Variants in PRIM2 observed in about 807,000 individuals in gnomAD.
PRIM2 encodes DNA primase subunit 2.
Under a neutral mutation model 67.3 loss-of-function variants are expected in PRIM2, and 39 were observed. The observed-to-expected ratio is 0.58, with a 90% confidence interval of 0.45 to 0.76. The LOEUF (loss-of-function observed/expected upper bound fraction) is 0.76. Among genes scored for constraint, PRIM2 ranks in the 30% least tolerant of loss-of-function variants. The pLI is 0.00. For missense variants in PRIM2, 398 were observed against 598.7 expected (o/e 0.66, Z 3.50); for synonymous variants, 143 against 198.7 (o/e 0.72, Z 2.36).
At chr6:57,286,109 GAC>G in the PRIM2 span, among the ~76,000 whole-genome samples, 8,882 of 152,156 alleles carry the variant, frequency 0.058, 599 homozygotes, top group African/African-American at 0.16. Context: ...AATAAGACAG[GAC>G]ACGAACAAAA....
intron 7 of PRIM2, among the ~76,000 whole-genome samples, chr6:57,431,165 C>G (rs560161053): frequency 6.6e-6 from 1 of 151,378 alleles, no homozygotes; most frequent in East Asian, 1.9e-4. Context: ...GTTTTATTGC[C>G]TCTTTTTTTT....
At chr6:57,582,527 T>C (rs1776106563) in intron 10 of PRIM2, among the ~76,000 whole-genome samples, 1 of 152,164 alleles carries the variant, frequency 6.6e-6, no homozygotes, top group African/African-American at 2.4e-5. Flanking sequence ...TCTAAAGTTC[T>C]GTTAAATTAG....
chr6:57,502,216 A>G (rs1295270444), intron 7 of PRIM2, among the ~76,000 whole-genome samples: 1 of 152,214 alleles, frequency 6.6e-6, no homozygotes, highest in East Asian at 1.9e-4. Context: ...GGGAGGTCAG[A>G]CATGCCTCAT....
chr6:57,574,051 T>C (rs1346499246), intron 10 of PRIM2, among the ~76,000 whole-genome samples: 2 of 151,814 alleles, frequency 1.3e-5, no homozygotes, highest in African/African-American at 4.8e-5. Flanking sequence ...GGAACTAAAT[T>C]CTAGGACCTT....
intron 5 of PRIM2, among the ~76,000 whole-genome samples, chr6:57,337,940 A>C (rs868328142): frequency 1.3e-5 from 2 of 152,042 alleles, no homozygotes; most frequent in Non-Finnish European, 2.9e-5. Context: ...GAAAGGATCA[A>C]CAAAATTGAT....
intron 7 of PRIM2, among the ~76,000 whole-genome samples, chr6:57,423,159 T>C (rs182790374): frequency 6.6e-6 from 1 of 152,316 alleles, no homozygotes; most frequent in Non-Finnish European, 1.5e-5. Context: ...AAGTCTGTTT[T>C]CATTTCTTCA....
intron 7 of PRIM2, among the ~76,000 whole-genome samples, chr6:57,400,587 C>G (rs1336860113): frequency 6.6e-6 from 1 of 152,102 alleles, no homozygotes; most frequent in Non-Finnish European, 1.5e-5. Flanking sequence ...TGGGGATGAT[C>G]TTCTTACGTA....
At chr6:57,239,611 G>A in the PRIM2 span, among the ~76,000 whole-genome samples, 5 of 152,090 alleles carry the variant, frequency 3.3e-5, no homozygotes, top group African/African-American at 7.2e-5. Flanking sequence ...GTGTGGTGGC[G>A]CATGCCTGTA....
intron 5 of PRIM2, among the ~76,000 whole-genome samples, chr6:57,335,631 A>G (rs1366597289): frequency 1.3e-5 from 2 of 152,190 alleles, no homozygotes; most frequent in East Asian, 1.9e-4. Context: ...AGGTACTCCA[A>G]CAGACCTGCA....
the PRIM2 span, among the ~76,000 whole-genome samples, chr6:57,230,802 T>C: frequency 2.0e-5 from 3 of 152,356 alleles, no homozygotes; most frequent in East Asian, 5.8e-4. Context: ...TGAATAAATC[T>C]ACATCCTTTG....
chr6:57,328,989 T>C (rs1767963849), intron 5 of PRIM2, among the ~76,000 whole-genome samples: 1 of 152,224 alleles, frequency 6.6e-6, no homozygotes, highest in South Asian at 2.1e-4. Context: ...GCCTGTTTTG[T>C]AGTTGAATTG....
the PRIM2 span, among the ~76,000 whole-genome samples, chr6:57,241,970 C>T: frequency 6.6e-6 from 1 of 152,024 alleles, no homozygotes. Context: ...CTGTGCCCGG[C>T]CAGAACCATT....
chr6:57,246,645 G>A, the PRIM2 span, among the ~76,000 whole-genome samples: 2 of 152,104 alleles, frequency 1.3e-5, no homozygotes, highest in Non-Finnish European at 2.9e-5. Context: ...AGGTGAATGG[G>A]GAATGGTGAG....
At chr6:57,545,609 T>G (rs1277336896) in intron 10 of PRIM2, among the ~76,000 whole-genome samples, 1 of 152,076 alleles carries the variant, frequency 6.6e-6, no homozygotes, top group Non-Finnish European at 1.5e-5. Flanking sequence ...TTTTTTTGTA[T>G]TTTTAGTAGA....
chr6:57,441,325 C>G (rs1189330102), intron 7 of PRIM2, among the ~76,000 whole-genome samples: 2 of 152,146 alleles, frequency 1.3e-5, no homozygotes, highest in Non-Finnish European at 2.9e-5. Flanking sequence ...TTAGAGCTTA[C>G]CAGGGAAATT....
chr6:57,564,828 A>G (rs1362376426), intron 10 of PRIM2, among the ~76,000 whole-genome samples: 92 of 152,358 alleles, frequency 6.0e-4, no homozygotes, highest in African/African-American at 2.0e-3. Context: ...TTAAAGGGCC[A>G]GATAGTAAAT....
chr6:57,256,561 C>T, the PRIM2 span, among the ~76,000 whole-genome samples: 10,360 of 151,508 alleles, frequency 0.068, 510 homozygotes, highest in East Asian at 0.18. Flanking sequence ...CATTGGATTG[C>T]GTTATCTTTT....
chr6:57,430,682 A>G (rs1405603910), intron 7 of PRIM2, among the ~76,000 whole-genome samples: 8 of 152,006 alleles, frequency 5.3e-5, no homozygotes, highest in African/African-American at 1.7e-4. Flanking sequence ...GCTGGTCTCG[A>G]ACTCCTGACC....
chr6:57,633,044 C>T (rs1293621157), intron 13 of PRIM2, among the ~76,000 whole-genome samples: 1 of 152,164 alleles, frequency 6.6e-6, no homozygotes, highest in Non-Finnish European at 1.5e-5. Flanking sequence ...AGAGATGGGG[C>T]ATATAGCCCA....
Sources: allele counts gnomAD v4.1 joint callset (sites outside exome capture counted in the v4.1 genomes callset), GRCh38; gene constraint gnomAD v4.1.1; transcripts MANE v1.5; gene names NCBI Gene and HGNC (gene_info 2026-07-23, HGNC 2026-07-21).